The following TADA2A variants were observed in gnomAD, a reference collection of about 807,000 sequenced individuals.
The protein encoded by TADA2A is transcriptional adapter 2-alpha.
Under a neutral mutation model 67.4 loss-of-function variants are expected in TADA2A, and 38 were observed. The ratio of observed to expected loss-of-function variants is 0.56; its 90% CI spans 0.44 to 0.74. The LOEUF (loss-of-function observed/expected upper bound fraction) is 0.74. Among genes scored for constraint, TADA2A ranks in the 30% least tolerant of loss-of-function variants. The probability of loss-of-function intolerance (pLI) is 0.00; values close to 1 mark genes in which losing one functional copy is unlikely to be tolerated. For synonymous variants in TADA2A, 192 were observed against 181.6 expected (o/e 1.06, Z -0.46); for missense variants, 454 against 547.0 (o/e 0.83, Z 1.70).
At chr17:37,472,627 C>A (rs1000068877) in intron 14 of TADA2A, among the ~76,000 whole-genome samples, 2 of 151,648 alleles carry the variant, frequency 1.3e-5, no homozygotes, top group African/African-American at 4.8e-5. Context: ...GAGGCTGAGG[C>A]GGGCAGATCA....
chr17:37,444,626 A>C, intron 7 of TADA2A, 70 bp from the exon 8 acceptor site: 1 of 1,292,328 alleles, frequency 7.7e-7, no homozygotes, highest in Non-Finnish European at 1.1e-6. Flanking sequence ...CTTCTAAAGC[A>C]TGGCTGCTGT....
At chr17:37,464,999 T>C (rs1028559718) in intron 10 of TADA2A, among the ~76,000 whole-genome samples, 4 of 150,772 alleles carry the variant, frequency 2.7e-5, no homozygotes, top group African/African-American at 9.8e-5. Flanking sequence ...ATTCAAAAAT[T>C]AGCTGGGTGT....
chr17:37,428,818 G>A (rs1056140015), intron 4 of TADA2A, among the ~76,000 whole-genome samples: 1 of 152,020 alleles, frequency 6.6e-6, no homozygotes, highest in Non-Finnish European at 1.5e-5. Flanking sequence ...AGGCCGAGGC[G>A]GGTGGATCAC....
Position 37,423,594 on chromosome 17 carries a change from T to A in TADA2A, c.111T>A (p.Pro37=). 6.2e-7 allele frequency: 1 copy of A among 1,612,706 alleles called. No individual in the cohort carries two copies. The highest frequency in any genetic ancestry group is 8.5e-7 in the Non-Finnish European group (1 of 1,179,690). The part of the protein sequence containing the change: ...PYIKCAECGP[P]PFFLCLQCFT... The stretch of plus-strand genomic sequence containing the variant: ...TCAAGTGTGCTGAATGTGGGCCACC[T>A]CCTTTTTTCCTCTGCTTGCAGGTAA... Residue 37 remains proline (P), a synonymous_variant, in exon 3 of 16, where the codon CCT becomes CCA. Coordinates refer to ENST00000615182, the MANE Select transcript of TADA2A (RefSeq NM_001166105.3).
rs2052310063 is a variant in TADA2A at position 37,423,526 on chromosome 17, C to T, written c.43C>T (p.Pro15Ser). The part of the protein sequence containing the change: ...GSFSNDPSDK[P>S]PCRGCSSYLM... ...TGTTCTAGATGATCCCTCTGATAAGCCACCTTGCCGAGGCTGCTCCTCCTA... is the reference window on the plus strand; with the variant it reads ...TGTTCTAGATGATCCCTCTGATAAGTCACCTTGCCGAGGCTGCTCCTCCTA... The change falls in exon 3 of 16, where the codon CCA (proline) becomes TCA (serine). Residue 15 changes from proline to serine, a missense_variant. Pro to Ser is a moderately conservative substitution (Grantham distance 74). Coordinates refer to ENST00000615182, the MANE Select transcript of TADA2A (RefSeq NM_001166105.3). 1 of 1,611,754 alleles carries T rather than the reference C, an allele frequency of 6.2e-7. No individual in the cohort carries two copies. Among genetic ancestry groups the T allele is most frequent in the South Asian group, 1.1e-5 (1 of 90,544 alleles).
intron 8 of TADA2A, among the ~76,000 whole-genome samples, chr17:37,447,984 C>T (rs1330660273): frequency 1.3e-5 from 2 of 152,140 alleles, no homozygotes; most frequent in Non-Finnish European, 2.9e-5. Context: ...TCTTTATGTC[C>T]TCTGCCATTA....
In TADA2A at chr17:37,474,552, A is replaced by G. The variant is rs549081759; in HGVS notation, c.1073-4A>G. Reference sequence around the variant, plus strand: ...TCTATGCTGTTTCCTTTCTCTGTCTATAGGTAGACGGAGTGCACCACCCTT... The same window carrying G: ...TCTATGCTGTTTCCTTTCTCTGTCTGTAGGTAGACGGAGTGCACCACCCTT... On this transcript the variant is annotated splice_region_variant and splice_polypyrimidine_tract_variant and intron_variant, in intron 14 of 15. Transcript: ENST00000615182. 55 of 1,613,226 alleles carry G rather than the reference A, an allele frequency of 3.4e-5. No homozygotes were observed. The highest frequency in any genetic ancestry group is 4.5e-5 in the Non-Finnish European group (53 of 1,179,730).
intron 8 of TADA2A, among the ~76,000 whole-genome samples, chr17:37,450,090 A>T (rs2053190872): frequency 6.6e-6 from 1 of 152,216 alleles, no homozygotes. Context: ...TAAAAAACAA[A>T]CAAACTCATA....
intron 8 of TADA2A, among the ~76,000 whole-genome samples, chr17:37,449,021 T>A (rs1181102468): frequency 6.6e-6 from 1 of 152,134 alleles, no homozygotes; most frequent in Non-Finnish European, 1.5e-5. Context: ...TTCACTGTTT[T>A]TTTTTTTTAT....
rs771888039 is a variant in TADA2A, at chr17:37,444,684, T to C, written c.532-12T>C. 1 of 1,613,360 alleles carries C rather than the reference T, an allele frequency of 6.2e-7. No individual in the cohort carries two copies. The highest frequency in any genetic ancestry group is 8.5e-7 in the Non-Finnish European group (1 of 1,179,520). ...GGGTTTGGGGTGGGGATTTTTTTGT[T>C]CCCCTAAACAGGAATTTGACAATTA... On this transcript the variant is annotated splice_polypyrimidine_tract_variant and intron_variant, in intron 7 of 15. Transcript: ENST00000615182.
At chr17:37,408,831 C>G (rs571289431) in intron 1 of TADA2A, among the ~76,000 whole-genome samples, 1 of 152,238 alleles carries the variant, frequency 6.6e-6, no homozygotes, top group African/African-American at 2.4e-5. Context: ...AAAGGGAGAC[C>G]TACCCCACCC....
At chr17:37,420,394 CTT>C (rs202103528) in intron 2 of TADA2A, among the ~76,000 whole-genome samples, 21 of 131,536 alleles carry the variant, frequency 1.6e-4, no homozygotes, top group Non-Finnish European at 1.8e-4. Context: ...TCTTCTGTGT[CTT>C]TTTTTTTTTT....
At chr17:37,463,559 C>T (rs989482272) in intron 10 of TADA2A, among the ~76,000 whole-genome samples, 5 of 151,894 alleles carry the variant, frequency 3.3e-5, no homozygotes, top group Admixed American at 2.0e-4. Flanking sequence ...GAGCTATAAT[C>T]ATGTCACTGC....
intron 8 of TADA2A, among the ~76,000 whole-genome samples, chr17:37,452,606 A>G (rs2053265281): frequency 6.6e-6 from 1 of 152,160 alleles, no homozygotes; most frequent in African/African-American, 2.4e-5. Context: ...CTTCTACCAC[A>G]TAGGCTTGTA....
intron 10 of TADA2A, among the ~76,000 whole-genome samples, chr17:37,464,504 C>T (rs973881492): frequency 6.6e-6 from 1 of 152,136 alleles, no homozygotes; most frequent in African/African-American, 2.4e-5. Flanking sequence ...TTAATTGTCT[C>T]GTCCATTACT....
chr17:37,470,492 A>G lies in TADA2A; in HGVS notation c.988A>G (p.Ser330Gly), dbSNP rs773868308. The change falls in exon 13 of 16, where the codon AGT becomes GGT. Residue 330 changes from serine to glycine, a missense_variant. By Grantham distance (56) the Ser-to-Gly change is moderately conservative. Coordinates refer to ENST00000615182, the MANE Select transcript of TADA2A (RefSeq NM_001166105.3). ...AGAAGTTCTCCAGTATATCCAGGAC[A>G]GTAGTGCTTGCCAGCAGTGGCTCCG... Reference protein sequence around the residue: ...LSEVLQYIQDSSACQQWLRRQ... With the variant: ...LSEVLQYIQDGSACQQWLRRQ... 1.3e-6 allele frequency: 2 copies of G among 1,597,664 alleles called. No individual in the cohort carries two copies. Among genetic ancestry groups the G allele is most frequent in the South Asian group, 1.1e-5 (1 of 88,192 alleles).
chr17:37,451,600 G>A (rs1451840459), intron 8 of TADA2A, among the ~76,000 whole-genome samples: 1 of 152,264 alleles, frequency 6.6e-6, no homozygotes, highest in Non-Finnish European at 1.5e-5. Flanking sequence ...GGGATTACAG[G>A]TGTGAGCCAC....
At chr17:37,462,501 A>G (rs1311642560) in intron 10 of TADA2A, among the ~76,000 whole-genome samples, 2 of 152,068 alleles carry the variant, frequency 1.3e-5, no homozygotes, top group African/African-American at 4.8e-5. Flanking sequence ...GCGTGGCGGC[A>G]TGCACCTGCA....
intron 4 of TADA2A, among the ~76,000 whole-genome samples, chr17:37,427,295 A>G (rs1333811103): frequency 6.6e-6 from 1 of 152,222 alleles, no homozygotes; most frequent in Non-Finnish European, 1.5e-5. Flanking sequence ...TACTTTTGAT[A>G]TGAGGATAAC....
Sources: allele counts gnomAD v4.1 joint callset (sites outside exome capture counted in the v4.1 genomes callset), GRCh38; gene constraint gnomAD v4.1.1; transcripts MANE v1.5; gene names NCBI Gene and HGNC (gene_info 2026-07-23, HGNC 2026-07-21).